LACTB2: variants seen among roughly 807,000 people sequenced by gnomAD.
LACTB2 encodes the protein endoribonuclease LACTB2.
A neutral mutation model predicts 34.8 loss-of-function variants in LACTB2; 32 were observed. That is an observed-to-expected ratio of 0.92 (90% CI 0.69 to 1.24). The LOEUF (loss-of-function observed/expected upper bound fraction) is 1.24, where lower values mean the gene tolerates loss of function less well. LACTB2 is among the 50% of genes most tolerant of loss of function. LACTB2 has a pLI of 0.00. For synonymous variants in LACTB2, 120 were observed against 117.5 expected (o/e 1.02, Z -0.14); for missense variants, 320 against 345.0 (o/e 0.93, Z 0.57).
At chr8:70,655,555 T>C (rs1015629492) in intron 3 of LACTB2, among the ~76,000 whole-genome samples, 7 of 152,154 alleles carry the variant, frequency 4.6e-5, no homozygotes, top group Non-Finnish European at 1.5e-5. Flanking sequence ...CTGAGTAGTA[T>C]TCCATCATAT....
At chr8:70,656,417 G>A (rs771914371) in intron 3 of LACTB2, among the ~76,000 whole-genome samples, 18 of 152,030 alleles carry the variant, frequency 1.2e-4, no homozygotes, top group South Asian at 2.1e-4. Flanking sequence ...CAATTATCCC[G>A]CCACCATTTA....
chr8:70,655,848 C>G (rs1056512770), intron 3 of LACTB2, among the ~76,000 whole-genome samples: 10 of 152,190 alleles, frequency 6.6e-5, no homozygotes, highest in Admixed American at 1.3e-4. Context: ...TTCACCGCAT[C>G]CACACCAACA....
At chr8:70,665,582 T>G (rs380090) in intron 1 of LACTB2, among the ~76,000 whole-genome samples, 49,061 of 152,072 alleles carry the variant, frequency 0.32, 8,436 homozygotes, top group East Asian at 0.66. Flanking sequence ...TTCCACGTGC[T>G]AGAACTTGTT....
chr8:70,664,614 C>A (rs1818516773), intron 1 of LACTB2, among the ~76,000 whole-genome samples: 1 of 151,876 alleles, frequency 6.6e-6, no homozygotes, highest in Admixed American at 6.6e-5. Flanking sequence ...GGAATTAATA[C>A]AATCTATTCA....
chr8:70,650,738 A>C, intron 3 of LACTB2, among the ~76,000 whole-genome samples: 1 of 129,784 alleles, frequency 7.7e-6, no homozygotes, highest in South Asian at 2.3e-4. Flanking sequence ...TCCATCTCAA[A>C]AAAAAAAAAA....
At position 70,661,763 on chromosome 8, in the gene LACTB2, A is replaced by G. The variant is rs375034003; in HGVS notation, c.257T>C (p.Ile86Thr). 3.1e-6 allele frequency: 5 copies of G among 1,612,232 alleles called. No individual in the cohort carries two copies. In the African/African-American group the frequency reaches 6.7e-5, roughly 22 times the overall value. ...THWHRDHSGGIGDICKSINND... is the reference protein window; with the variant it reads ...THWHRDHSGGTGDICKSINND... The stretch of plus-strand genomic sequence containing the variant: ...ATTGATGCTTTTACAAATATCTCCT[A>G]TGCCTCCAGAATGATCTCGGTGCCA... Residue 86 changes from isoleucine (I) to threonine (T), a missense_variant, in exon 2 of 7, where the codon ATA (isoleucine) becomes ACA (threonine). Transcript: ENST00000276590.
chr8:70,645,581 G>C (rs1404531407), intron 3 of LACTB2, among the ~76,000 whole-genome samples: 2 of 151,658 alleles, frequency 1.3e-5, no homozygotes, highest in Non-Finnish European at 1.5e-5. Flanking sequence ...CGCCATGTTG[G>C]TGTGCTGCAC....
chr8:70,645,829 A>C (rs9650237), intron 3 of LACTB2, among the ~76,000 whole-genome samples: 1 of 151,810 alleles, frequency 6.6e-6, no homozygotes, highest in Non-Finnish European at 1.5e-5. Flanking sequence ...TGAACTCATC[A>C]TTTTTTATGG....
intron 2 of LACTB2, chr8:70,660,304 G>A (rs1360593841): frequency 3.1e-5 from 9 of 292,420 alleles, no homozygotes; most frequent in Admixed American, 4.9e-5. Context: ...AAAAGAAGAG[G>A]TAAGACAAAA....
chr8:70,649,152 G>C (rs1314535184), intron 3 of LACTB2, among the ~76,000 whole-genome samples: 1 of 152,094 alleles, frequency 6.6e-6, no homozygotes, highest in African/African-American at 2.4e-5. Flanking sequence ...AAAGCTACTG[G>C]AGATGGGTTC....
At chr8:70,660,848 G>A (rs954438315) in intron 2 of LACTB2, 5 of 455,848 alleles carry the variant, frequency 1.1e-5, no homozygotes, top group Non-Finnish European at 2.2e-5. Context: ...CACAATATTG[G>A]CTTACTGCAG....
Position 70,660,652 on chromosome 8 carries a change from C to T in LACTB2, c.286+1082G>A, listed in dbSNP as rs558548967. 47 of 456,402 alleles carry T rather than the reference C, an allele frequency of 1.0e-4. 1 individual carries two copies. Among genetic ancestry groups the T allele is most frequent in the African/African-American group, 8.6e-4 (43 of 50,206 alleles). 28.3% of individuals were successfully genotyped at this position (456,402 alleles called of 1,614,324 possible). ...CCTGCAATGCTGTTTGCCTGCAGGC[C>T]TTCCTGCCAGGAGCTTGCTCCTTCT... On this transcript the variant is annotated intron_variant, in intron 2 of 6. Coordinates refer to ENST00000276590, the MANE Select transcript of LACTB2 (RefSeq NM_016027.3).
rs540725808 is a variant in LACTB2 at position 70,650,528 on chromosome 8, G to A, written c.414-6285C>T. Among the ~76,000 whole-genome samples the A allele has an allele frequency of 1.3e-4, 20 of 152,146 alleles. No homozygotes were observed. In the South Asian group the frequency reaches 1.9e-3, roughly 14 times the overall value. ...GGCCGAGGCCTGAGGTCAGGAGTTC[G>A]AGATCAGCCTGGCCAACATGGCGAA... On this transcript the variant is annotated intron_variant, in intron 3 of 6. Coordinates refer to ENST00000276590, the MANE Select transcript of LACTB2 (RefSeq NM_016027.3).
chr8:70,638,743 CA>C (rs1175790746), intron 5 of LACTB2, 114 bp from the exon 6 acceptor site: 3 of 828,068 alleles, frequency 3.6e-6, no homozygotes, highest in Non-Finnish European at 3.3e-6. Flanking sequence ...ATCTTAAACA[CA>C]TTTTTTTTTT....
In LACTB2 at chr8:70,638,441, T is replaced by C. The variant is rs1818150711; in HGVS notation, c.823+107A>G. On this transcript the variant is annotated intron_variant, in intron 6 of 6. Transcript: ENST00000276590. ...CCTGTCTCTCCAACTTAAAGTGATA[T>C]TCATGGGAGAACTCTGATGGGTATT... The C allele has an allele frequency of 2.5e-6, 3 of 1,217,174 alleles. No homozygotes were observed. In the South Asian group the frequency reaches 4.7e-5, roughly 19 times the overall value. 75.4% of individuals were successfully genotyped at this position (1,217,174 alleles called of 1,614,324 possible).
chr8:70,637,593 CATTTT>C lies in LACTB2; in HGVS notation c.*262_*266del, dbSNP rs574679867. ...TAAATTTTATTATTTTTAAAGTAATCATTTTATTTAATCTATTGAAAACTGATAAA... is the reference window on the plus strand; with the variant it reads ...TAAATTTTATTATTTTTAAAGTAATCATTTAATCTATTGAAAACTGATAAA... On this transcript the variant is annotated 3_prime_UTR_variant, in exon 7 of 7. Coordinates refer to ENST00000276590, the MANE Select transcript of LACTB2 (RefSeq NM_016027.3). The C allele has an allele frequency of 7.9e-4, 174 of 220,232 alleles. 1 individual carries two copies. The highest frequency in any genetic ancestry group is 3.9e-3 in the African/African-American group (170 of 44,038). The allele number at this position is 220,232 out of a possible 1,614,324, so 13.6% of individuals were successfully genotyped here.
At chr8:70,658,915 T>C (rs1404416872) in intron 2 of LACTB2, among the ~76,000 whole-genome samples, 2 of 152,108 alleles carry the variant, frequency 1.3e-5, no homozygotes, top group Non-Finnish European at 2.9e-5. Context: ...ACGTCCCAGA[T>C]ACTCGGGAGG....
intron 1 of LACTB2, among the ~76,000 whole-genome samples, chr8:70,667,118 A>G (rs971510247): frequency 2.6e-5 from 4 of 152,248 alleles, no homozygotes; most frequent in African/African-American, 9.6e-5. Context: ...TAAAGATTTG[A>G]TAAAGAAGAT....
chr8:70,655,849 C>T (rs114064467), intron 3 of LACTB2, among the ~76,000 whole-genome samples: 1,598 of 152,206 alleles, frequency 0.01, 25 homozygotes, highest in African/African-American at 0.036. Flanking sequence ...TCACCGCATC[C>T]ACACCAACAT....
Sources: gnomAD v4.1 joint callset for allele counts (sites outside exome capture counted in the v4.1 genomes callset) on GRCh38, gnomAD v4.1.1 for gene constraint, MANE v1.5 for transcripts, NCBI Gene and HGNC (gene_info 2026-07-23, HGNC 2026-07-21) for gene names.